The following NRXN3 variants were observed in gnomAD, a reference collection of about 807,000 sequenced individuals.
The protein encoded by NRXN3 is neurexin 3.
NRXN3 carries 32 observed loss-of-function variants against 137.6 expected under a neutral mutation model. That is an observed-to-expected ratio of 0.23 (90% CI 0.18 to 0.31). NRXN3 has a LOEUF of 0.31. Among genes scored for constraint, NRXN3 ranks in the 10% least tolerant of loss-of-function variants. NRXN3 has a pLI of 1.00. For synonymous variants in NRXN3, 798 were observed against 784.5 expected (o/e 1.02, Z -0.29); for missense variants, 1,574 against 2,062.5 (o/e 0.76, Z 4.59).
At chr14:78,930,626 A>G (rs1421268520) in intron 10 of NRXN3, among the ~76,000 whole-genome samples, 1 of 152,202 alleles carries the variant, frequency 6.6e-6, no homozygotes, top group Non-Finnish European at 1.5e-5. Flanking sequence ...GGATTTTTAT[A>G]TACTTTTATC....
intron 15 of NRXN3, among the ~76,000 whole-genome samples, chr14:79,041,516 C>G (rs1429204532): frequency 6.6e-6 from 1 of 152,124 alleles, no homozygotes; most frequent in African/African-American, 2.4e-5. Flanking sequence ...CTTAATATGT[C>G]TTAATATAGC....
chr14:79,132,915 G>A (rs1032305632), intron 15 of NRXN3, among the ~76,000 whole-genome samples: 4 of 152,144 alleles, frequency 2.6e-5, no homozygotes, highest in African/African-American at 7.2e-5. Context: ...TCCTGAGTTG[G>A]GCCAAGATGG....
At chr14:79,589,465 G>A (rs1436879370) in intron 16 of NRXN3, among the ~76,000 whole-genome samples, 2 of 146,874 alleles carry the variant, frequency 1.4e-5, no homozygotes, top group Non-Finnish European at 3.0e-5. Flanking sequence ...AGTTGTTTGG[G>A]GCCCACAATA....
chr14:78,216,835 C>T (rs1046591325), intron 1 of NRXN3, among the ~76,000 whole-genome samples: 9 of 152,104 alleles, frequency 5.9e-5, no homozygotes, highest in Admixed American at 4.6e-4. Context: ...CTGGTGTTAC[C>T]GGCAATCCTT....
intron 15 of NRXN3, among the ~76,000 whole-genome samples, chr14:79,430,531 A>G (rs913976153): frequency 6.6e-6 from 1 of 152,200 alleles, no homozygotes; most frequent in Non-Finnish European, 1.5e-5. Flanking sequence ...AGGAGAAGCT[A>G]ATGAATCATA....
intron 13 of NRXN3, 137 bp from the exon 14 acceptor site, chr14:78,968,036 T>C: frequency 2.5e-6 from 1 of 396,972 alleles, no homozygotes; most frequent in African/African-American, 2.3e-5. Flanking sequence ...GGTGCTTATC[T>C]CATTTATGCT....
At chr14:78,456,810 T>TTTCTTTCTTTCC (rs2094725462) in intron 4 of NRXN3, among the ~76,000 whole-genome samples, 2 of 114,474 alleles carry the variant, frequency 1.7e-5, no homozygotes, top group African/African-American at 2.9e-5. Flanking sequence ...TCTTTCTTTC[T>TTTCTTTCTTTCC]TTCTTTCTTT....
rs1412668756 is a variant in NRXN3 at position 79,837,664 on chromosome 14, T to A, written c.4094-23678T>A. Among the ~76,000 whole-genome samples, 3 of 152,198 alleles carry A rather than the reference T, an allele frequency of 2.0e-5. No homozygotes were observed. The East Asian group carries it at 5.8e-4, about 29-fold the overall frequency. ...CTTTTCACCACTAATAGTTCTTTGATGTCATTTTTTGTACAAGTGTCAAAG... is the reference window on the plus strand; with the variant it reads ...CTTTTCACCACTAATAGTTCTTTGAAGTCATTTTTTGTACAAGTGTCAAAG... On this transcript the variant is annotated intron_variant, in intron 20 of 20. Coordinates refer to ENST00000335750, the MANE Select transcript of NRXN3 (RefSeq NM_001330195.2).
chr14:79,601,950 G>A (rs2097927564), intron 16 of NRXN3, among the ~76,000 whole-genome samples: 1 of 150,142 alleles, frequency 6.7e-6, no homozygotes, highest in Admixed American at 6.6e-5. Flanking sequence ...CAGCACAGGA[G>A]CAATGGACCA....
chr14:78,379,134 C>T (rs1175420026), intron 4 of NRXN3, among the ~76,000 whole-genome samples: 1 of 151,968 alleles, frequency 6.6e-6, no homozygotes, highest in African/African-American at 2.4e-5. Context: ...AATTTAAAAA[C>T]TCCCACAAAA....
chr14:78,372,607 A>G (rs2153619646), intron 4 of NRXN3, among the ~76,000 whole-genome samples: 1 of 152,330 alleles, frequency 6.6e-6, no homozygotes, highest in South Asian at 2.1e-4. Flanking sequence ...GATTACAGAC[A>G]TAAGCCACTG....
intron 8 of NRXN3, among the ~76,000 whole-genome samples, chr14:78,800,481 T>C (rs957246898): frequency 5.3e-5 from 8 of 152,224 alleles, no homozygotes; most frequent in Non-Finnish European, 1.0e-4. Flanking sequence ...ATGTGTTAAA[T>C]TTAGATTGTT....
chr14:79,743,292 G>A (rs2098968888), intron 19 of NRXN3, among the ~76,000 whole-genome samples: 1 of 152,102 alleles, frequency 6.6e-6, no homozygotes, highest in African/African-American at 2.4e-5. Flanking sequence ...CAACTTCCTA[G>A]ACTTCATTTT....
chr14:78,548,839 C>G (rs979981093), intron 4 of NRXN3, among the ~76,000 whole-genome samples: 1 of 152,192 alleles, frequency 6.6e-6, no homozygotes, highest in African/African-American at 2.4e-5. Context: ...GTCCCTTCTC[C>G]CAAACCACAG....
At chr14:79,289,821 G>A (rs976937837) in intron 15 of NRXN3, among the ~76,000 whole-genome samples, 2 of 152,128 alleles carry the variant, frequency 1.3e-5, no homozygotes, top group Non-Finnish European at 2.9e-5. Context: ...GAAATGGCCT[G>A]TCTGTTCACC....
At chr14:79,314,873 A>G (rs1872998070) in intron 15 of NRXN3, among the ~76,000 whole-genome samples, 1 of 150,554 alleles carries the variant, frequency 6.6e-6, no homozygotes, top group African/African-American at 2.5e-5. Flanking sequence ...TAGAAGGAAA[A>G]CTAACAACCA....
At chr14:78,255,616 G>A (rs2069439985) in intron 2 of NRXN3, among the ~76,000 whole-genome samples, 1 of 152,198 alleles carries the variant, frequency 6.6e-6, no homozygotes, top group Non-Finnish European at 1.5e-5. Context: ...CCTGTGGCAG[G>A]AGTATGTGAG....
At chr14:78,861,300 G>T (rs924550438) in intron 10 of NRXN3, among the ~76,000 whole-genome samples, 5 of 151,998 alleles carry the variant, frequency 3.3e-5, no homozygotes, top group African/African-American at 1.2e-4. Context: ...TTCATTTTAG[G>T]AATATTTGTA....
chr14:79,599,809 A>G (rs2097903181), intron 16 of NRXN3, among the ~76,000 whole-genome samples: 1 of 152,174 alleles, frequency 6.6e-6, no homozygotes, highest in Non-Finnish European at 1.5e-5. Context: ...GGCCTGGCCA[A>G]CATGGCGAAA....
Sources: gnomAD v4.1 joint callset for allele counts (sites outside exome capture counted in the v4.1 genomes callset) on GRCh38, gnomAD v4.1.1 for gene constraint, MANE v1.5 for transcripts, NCBI Gene and HGNC (gene_info 2026-07-23, HGNC 2026-07-21) for gene names.